ITGA9: variants seen among roughly 807,000 people sequenced by gnomAD.
The protein encoded by ITGA9 is integrin subunit alpha 9.
A neutral mutation model predicts 127.8 loss-of-function variants in ITGA9; 56 were observed. The observed-to-expected ratio is 0.44, with a 90% CI of 0.35 to 0.55. ITGA9 has a LOEUF of 0.55. Ranked by LOEUF, ITGA9 falls within the 20% of genes least tolerant of loss-of-function variation. The pLI is 0.00. For synonymous variants in ITGA9, 508 were observed against 514.5 expected (o/e 0.99, Z 0.17); for missense variants, 1,196 against 1,347.1 (o/e 0.89, Z 1.76).
At chr3:37,753,461 C>A (rs967623602) in intron 23 of ITGA9, among the ~76,000 whole-genome samples, 5 of 152,120 alleles carry the variant, frequency 3.3e-5, no homozygotes, top group Non-Finnish European at 7.4e-5. Flanking sequence ...GTCTAGTTCA[C>A]CAAGAGAACA....
chr3:37,513,800 A>T lies in ITGA9; in HGVS notation c.935A>T (p.Asp312Val). The T allele has an allele frequency of 6.2e-7, 1 of 1,613,962 alleles. No individual in the cohort carries two copies. The highest frequency in any genetic ancestry group is 8.5e-7 in the Non-Finnish European group (1 of 1,179,998). The stretch of plus-strand genomic sequence containing the variant: ...TTCGGCTCCTCCTTGTGCGCAGTTG[A>T]CCTGAATGGGGACGGCCTCTCTGAC... ...SYFGSSLCAV[D>V]LNGDGLSDLL... Residue 312 changes from aspartate (D) to valine (V), a missense_variant, in exon 9 of 28, where the codon GAC becomes GTC. Physicochemically the swap from Asp to Val is radical, Grantham distance 152. Transcript: ENST00000264741.
rs1491171803 is a variant in ITGA9, at chr3:37,512,022, T to TC, written c.898-1740dup. ...TCTTTTCTTTTCTTTTCTTTTCTTTTCTTTTCTTTCTTTCTTTCTTTCTTT... is the reference window on the plus strand; with the variant it reads ...TCTTTTCTTTTCTTTTCTTTTCTTTTCCTTTTCTTTCTTTCTTTCTTTCTTT... On this transcript the variant is annotated intron_variant, in intron 8 of 27. Coordinates refer to ENST00000264741, the MANE Select transcript of ITGA9 (RefSeq NM_002207.3). Among the ~76,000 whole-genome samples the TC allele has an allele frequency of 1.9e-4, 4 of 21,082 alleles. 1 individual carries two copies. In the East Asian group the frequency reaches 7.2e-3, roughly 38 times the overall value. 13.8% of individuals were successfully genotyped at this position (21,082 alleles called of 152,430 possible).
At chr3:37,479,158 C>A (rs903764212) in intron 3 of ITGA9, among the ~76,000 whole-genome samples, 4 of 151,570 alleles carry the variant, frequency 2.6e-5, no homozygotes, top group African/African-American at 9.7e-5. Flanking sequence ...TTCAAGTTTG[C>A]GAGCCATAAG....
intron 13 of ITGA9, 92 bp from the exon 14 acceptor site, chr3:37,533,222 G>A: frequency 8.8e-7 from 1 of 1,137,928 alleles, no homozygotes; most frequent in Non-Finnish European, 1.3e-6. Context: ...CTGGGTTGAA[G>A]GCCTAGGATT....
Position 37,512,199 on chromosome 3 carries a change from CTTTTCT to C in ITGA9, c.898-1560_898-1555del, listed in dbSNP as rs1427576860. ...CTTTTCTTTTCTTTTCTTTTCTTTT[CTTTTCT>C]TTTCTTTCTTTCTTTCTTCTTTCTT... On this transcript the variant is annotated intron_variant, in intron 8 of 27. Transcript: ENST00000264741. Among the ~76,000 whole-genome samples, 169 of 47,250 alleles carry C rather than the reference CTTTTCT, an allele frequency of 3.6e-3. 4 individuals carry two copies. Among genetic ancestry groups the C allele is most frequent in the Middle Eastern group, 0.021 (2 of 96 alleles). The allele number at this position is 47,250 out of a possible 152,430, so 31.0% of individuals were successfully genotyped here.
chr3:37,580,450 C>T (rs1293794125), intron 15 of ITGA9, among the ~76,000 whole-genome samples: 3 of 152,264 alleles, frequency 2.0e-5, no homozygotes, highest in South Asian at 2.1e-4. Flanking sequence ...TCACTTTGTC[C>T]GCTAAGTCTT....
At chr3:37,526,726 G>C (rs539355991) in intron 13 of ITGA9, among the ~76,000 whole-genome samples, 1 of 152,372 alleles carries the variant, frequency 6.6e-6, no homozygotes, top group East Asian at 1.9e-4. Context: ...TTACACTTTG[G>C]AGTGGGAGCC....
rs142853591 is a variant in ITGA9, at chr3:37,790,183, T to C, written c.2889+5105T>C. The C allele has an allele frequency of 2.1e-3, 1,188 of 568,622 alleles. 2 individuals carry two copies. Among genetic ancestry groups the C allele is most frequent in the Non-Finnish European group, 2.7e-3 (787 of 290,408 alleles). 35.2% of individuals were successfully genotyped at this position (568,622 alleles called of 1,614,324 possible). A position where few individuals can be genotyped will look rare whatever the true frequency, so the allele number is the denominator to read the frequency against. ...CAGCAATCTGAATTCCTTTGGCTCT[T>C]GATGTGTTTCAGCAGCTTTTACCTG... On this transcript the variant is annotated intron_variant, in intron 26 of 27. Transcript: ENST00000264741.
intron 16 of ITGA9, among the ~76,000 whole-genome samples, chr3:37,631,350 C>T (rs1449685944): frequency 6.6e-6 from 1 of 152,196 alleles, no homozygotes; most frequent in Non-Finnish European, 1.5e-5. Context: ...TAGTGAAAAG[C>T]ATCTTGGAAC....
rs529766482 is a variant in ITGA9, at chr3:37,613,430, G to A, written c.1690-15757G>A. Among the ~76,000 whole-genome samples the A allele has an allele frequency of 9.9e-5, 15 of 152,278 alleles. No homozygotes were observed. In the South Asian group the frequency reaches 2.3e-3, roughly 23 times the overall value. On this transcript the variant is annotated intron_variant, in intron 15 of 27. Coordinates refer to ENST00000264741, the MANE Select transcript of ITGA9 (RefSeq NM_002207.3). ...ATAGTGCCACAATAAACATACGTGT[G>A]CATGTGTCTTTATAGCAACATGATT...
intron 26 of ITGA9, among the ~76,000 whole-genome samples, chr3:37,797,754 C>G (rs1697191072): frequency 6.6e-6 from 1 of 151,886 alleles, no homozygotes; most frequent in South Asian, 2.1e-4. Flanking sequence ...TTTTTTGAGA[C>G]TCACTGTGTC....
intron 15 of ITGA9, among the ~76,000 whole-genome samples, chr3:37,611,480 G>T (rs2125625972): frequency 6.6e-6 from 1 of 152,270 alleles, no homozygotes; most frequent in South Asian, 2.1e-4. Flanking sequence ...TGGCAAGAAG[G>T]AGAGTAGAAC....
chr3:37,635,576 A>G (rs996989887), intron 16 of ITGA9, among the ~76,000 whole-genome samples: 1 of 150,592 alleles, frequency 6.6e-6, no homozygotes, highest in African/African-American at 2.4e-5. Context: ...ATTTTATTTT[A>G]TTTTATTTTA....
intron 3 of ITGA9, among the ~76,000 whole-genome samples, chr3:37,473,990 A>G (rs1039320130): frequency 2.0e-5 from 3 of 152,250 alleles, no homozygotes; most frequent in African/African-American, 7.2e-5. Context: ...GCTCTTTTAT[A>G]TAAGACTTCT....
At chr3:37,566,011 A>T (rs894259523) in intron 15 of ITGA9, among the ~76,000 whole-genome samples, 2 of 152,246 alleles carry the variant, frequency 1.3e-5, no homozygotes, top group African/African-American at 4.8e-5. Flanking sequence ...CCATGAGCAC[A>T]TGCCTTGAGG....
chr3:37,490,999 C>A (rs1224684742), intron 4 of ITGA9, among the ~76,000 whole-genome samples: 3 of 118,634 alleles, frequency 2.5e-5, no homozygotes, highest in Non-Finnish European at 5.0e-5. Flanking sequence ...TTTTTTGAGA[C>A]CGAATCTGGC....
intron 15 of ITGA9, among the ~76,000 whole-genome samples, chr3:37,603,528 A>G (rs1699940960): frequency 6.6e-6 from 1 of 152,136 alleles, no homozygotes; most frequent in African/African-American, 2.4e-5. Context: ...TACCCAACAG[A>G]AGTGGTTCTC....
chr3:37,672,193 G>T (rs1575187597), intron 17 of ITGA9, among the ~76,000 whole-genome samples: 2 of 152,126 alleles, frequency 1.3e-5, no homozygotes, highest in Admixed American at 1.3e-4. Flanking sequence ...CCAAGGTAGG[G>T]CAGTGATATG....
At chr3:37,742,440 G>C (rs1172557380) in intron 21 of ITGA9, among the ~76,000 whole-genome samples, 1 of 152,228 alleles carries the variant, frequency 6.6e-6, no homozygotes, top group East Asian at 1.9e-4. Context: ...TTGGAAAGCA[G>C]GACCCTGGGC....
Sources: gnomAD v4.1 joint callset for allele counts (sites outside exome capture counted in the v4.1 genomes callset) on GRCh38, gnomAD v4.1.1 for gene constraint, MANE v1.5 for transcripts, NCBI Gene and HGNC (gene_info 2026-07-23, HGNC 2026-07-21) for gene names.